Variants in MMRN1 observed in about 807,000 individuals in gnomAD.
MMRN1 encodes the protein multimerin-1.
MMRN1 carries 94 observed loss-of-function variants against 100.7 expected under a neutral mutation model. The ratio of observed to expected loss-of-function variants is 0.93; its 90% CI spans 0.79 to 1.11. The LOEUF (loss-of-function observed/expected upper bound fraction) is 1.11. Ranked by LOEUF, MMRN1 falls within the 50% of genes least tolerant of loss-of-function variation. The pLI, the probability that MMRN1 is intolerant of heterozygous loss-of-function variation, is 0.00. For missense variants in MMRN1, 1,606 were observed against 1,439.1 expected, an observed-to-expected ratio of 1.12 and a Z score of -1.88; for synonymous variants, 575 against 505.0, an observed-to-expected ratio of 1.14 and a Z score of -1.86.
chr4:89,953,066 C>T lies in MMRN1; in HGVS notation c.3335C>T (p.Thr1112Ile), dbSNP rs543680131. ...AFFASHTYGM[T>I]IPGPILFNNL... ...TTTGCATCTCATACGTATGGAATGA[C>T]TATACCTGGTCCTATCCTGTTTAAT... Residue 1112 changes from threonine (T) to isoleucine (I), a missense_variant, in exon 8 of 8, where the codon ACT becomes ATT. Transcript: ENST00000264790. The T allele has an allele frequency of 3.7e-6, 6 of 1,613,788 alleles. No individual in the cohort carries two copies. The East Asian group carries it at 1.1e-4, about 30-fold the overall frequency.
rs924873643 is a variant in MMRN1, at chr4:89,895,226, C to T, written c.255C>T (p.Pro85=). The change falls in exon 1 of 8, where the codon CCC becomes CCT. Residue 85 remains proline (P), a synonymous_variant. Transcript: ENST00000264790. ...EDSLLKSTLP[P]SETSAPAEGV... is the part of the protein sequence containing the mutation. ...GTCTTCTTAAATCAACACTGCCTCC[C>T]TCAGAAACAAGTGCACCTGCTGAGG... The T allele has an allele frequency of 6.2e-7, 1 of 1,613,724 alleles. No homozygotes were observed.
chr4:89,900,106 T>A (rs969452807), intron 1 of MMRN1, among the ~76,000 whole-genome samples: 1 of 152,040 alleles, frequency 6.6e-6, no homozygotes, highest in Admixed American at 6.6e-5. Context: ...TTTTGCAAAC[T>A]TAAGAAGGAA....
intron 6 of MMRN1, among the ~76,000 whole-genome samples, chr4:89,944,998 C>A (rs1192390477): frequency 1.3e-5 from 2 of 152,146 alleles, no homozygotes; most frequent in Non-Finnish European, 2.9e-5. Context: ...TTTCCTCATG[C>A]ACCTTTGTAG....
At chr4:89,907,272 TC>T (rs1456816680) in intron 1 of MMRN1, among the ~76,000 whole-genome samples, 1 of 151,576 alleles carries the variant, frequency 6.6e-6, no homozygotes, top group African/African-American at 2.4e-5. Flanking sequence ...TGCCAGCATG[TC>T]TTCTTACTTC....
rs547820423 is a variant in MMRN1, at chr4:89,909,423, CT to C, written c.743+29del. On this transcript the variant is annotated intron_variant, in intron 2 of 7. Coordinates refer to ENST00000264790, the MANE Select transcript of MMRN1 (RefSeq NM_007351.3). ...ATGTAATATTTCTTGAAAATAGCCA[CT>C]GTTTTTGCACCATAATAAATTATAG... is the stretch of plus-strand genomic sequence containing the variant. 1,015 of 1,606,292 alleles carry C rather than the reference CT, an allele frequency of 6.3e-4. 12 individuals are homozygous for C. The South Asian group carries it at 0.011, about 17-fold the overall frequency.
At position 89,924,593 on chromosome 4, in the gene MMRN1, C is replaced by T. The variant is rs1264369622; in HGVS notation, c.955+1321C>T. On this transcript the variant is annotated intron_variant, in intron 4 of 7. Transcript: ENST00000264790. ...GGCACAGTGGCTTATGCCTATAATC[C>T]CAGCAATTTGGGAGGCCGAGGCGGG... is the stretch of plus-strand genomic sequence containing the variant. Among the ~76,000 whole-genome samples the T allele has an allele frequency of 4.0e-5, 6 of 151,236 alleles. No individual in the cohort carries two copies. The South Asian group carries it at 8.4e-4, about 21-fold the overall frequency.
intron 2 of MMRN1, among the ~76,000 whole-genome samples, chr4:89,910,487 T>A (rs1297594860): frequency 1.3e-5 from 2 of 151,466 alleles, no homozygotes; most frequent in Non-Finnish European, 3.0e-5. Context: ...TCATTCGCTA[T>A]TTTTAATACT....
chr4:89,928,494 C>A (rs984526998), intron 5 of MMRN1, among the ~76,000 whole-genome samples: 1 of 152,030 alleles, frequency 6.6e-6, no homozygotes, highest in Non-Finnish European at 1.5e-5. Context: ...ATAGGCTTTG[C>A]CTGAATTTTG....
intron 6 of MMRN1, among the ~76,000 whole-genome samples, chr4:89,938,552 T>C (rs1000467999): frequency 6.8e-6 from 1 of 146,424 alleles, no homozygotes; most frequent in African/African-American, 2.5e-5. Context: ...AAGTATAAAA[T>C]TGAAATAGCC....
chr4:89,938,003 G>A (rs1166982509), intron 6 of MMRN1, among the ~76,000 whole-genome samples: 1 of 151,910 alleles, frequency 6.6e-6, no homozygotes, highest in Admixed American at 6.6e-5. Flanking sequence ...AAAAAGTAAT[G>A]GCTGTGTTTT....
At chr4:89,904,409 G>C (rs1721491885) in intron 1 of MMRN1, among the ~76,000 whole-genome samples, 1 of 151,674 alleles carries the variant, frequency 6.6e-6, no homozygotes, top group South Asian at 2.1e-4. Context: ...TTCCCAAACT[G>C]AAGCTCTGTA....
chr4:89,953,476 T>C lies in MMRN1; in HGVS notation c.*58T>C. ...GAGAAACAGCCAGTGTTTTCATTTATCTTTGCTTGCACATCTGCTCTGTTT... is the reference window on the plus strand; with the variant it reads ...GAGAAACAGCCAGTGTTTTCATTTACCTTTGCTTGCACATCTGCTCTGTTT... On this transcript the variant is annotated 3_prime_UTR_variant, in exon 8 of 8. Coordinates refer to ENST00000264790, the MANE Select transcript of MMRN1 (RefSeq NM_007351.3). The C allele has an allele frequency of 2.0e-6, 3 of 1,479,904 alleles. No homozygotes were observed. Among genetic ancestry groups the C allele is most frequent in the East Asian group, 2.3e-5 (1 of 43,662 alleles). 91.7% of individuals were successfully genotyped at this position (1,479,904 alleles called of 1,614,324 possible). A position where few individuals can be genotyped will look rare whatever the true frequency, so the allele number is the denominator to read the frequency against.
Position 89,935,576 on chromosome 4 carries a change from G to T in MMRN1, c.1896G>T (p.Met632Ile). The change falls in exon 6 of 8, where the codon ATG becomes ATT. Residue 632 changes from methionine to isoleucine, a missense_variant. Transcript: ENST00000264790. ...TTCTCTTTCCAATGGACAATAAGAT[G>T]GACAAAATGAGTGAGCAACTAAATG... is the stretch of plus-strand genomic sequence containing the variant. ...AEVLFPMDNK[M>I]DKMSEQLNDL... 1 of 1,613,454 alleles carries T rather than the reference G, an allele frequency of 6.2e-7. No individual in the cohort carries two copies. Among genetic ancestry groups the T allele is most frequent in the Non-Finnish European group, 8.5e-7 (1 of 1,179,730 alleles).
chr4:89,904,300 A>G (rs1721488271), intron 1 of MMRN1, among the ~76,000 whole-genome samples: 1 of 151,804 alleles, frequency 6.6e-6, no homozygotes, highest in Admixed American at 6.6e-5. Flanking sequence ...TAAAAAATTT[A>G]CCATTCTATC....
intron 3 of MMRN1, among the ~76,000 whole-genome samples, chr4:89,921,581 T>A (rs1352991457): frequency 6.6e-6 from 1 of 152,284 alleles, no homozygotes; most frequent in East Asian, 1.9e-4. Context: ...GATTTACACT[T>A]TTCCCCACGC....
In MMRN1 at chr4:89,936,565, G is replaced by A; in HGVS notation, c.2885G>A (p.Gly962Asp). 1 of 1,612,420 alleles carries A rather than the reference G, an allele frequency of 6.2e-7. No homozygotes were observed. Reference sequence around the variant, plus strand: ...CCAGATATTCAACTTCTTCAGAAAGGTCTAACAGAATTTGTGGAACCAATA... The same window carrying A: ...CCAGATATTCAACTTCTTCAGAAAGATCTAACAGAATTTGTGGAACCAATA... ...SLPDIQLLQK[G>D]LTEFVEPIIQ... Residue 962 changes from glycine (G) to aspartate (D), a missense_variant, in exon 6 of 8, where the codon GGT becomes GAT. Transcript: ENST00000264790.
chr4:89,914,253 C>G (rs1202041506), intron 3 of MMRN1, among the ~76,000 whole-genome samples: 1 of 151,452 alleles, frequency 6.6e-6, no homozygotes, highest in Non-Finnish European at 1.5e-5. Flanking sequence ...TTCTCCCCCA[C>G]TTTTGTACCC....
chr4:89,893,080 T>G (rs1721090957), upstream of MMRN1, among the ~76,000 whole-genome samples: 1 of 152,038 alleles, frequency 6.6e-6, no homozygotes, highest in African/African-American at 2.4e-5. Flanking sequence ...CTGTAAAGCC[T>G]TTTTCTTTCT....
At position 89,910,480 on chromosome 4, in the gene MMRN1, T is replaced by C. The variant is rs535860595; in HGVS notation, c.743+1085T>C. On this transcript the variant is annotated intron_variant, in intron 2 of 7. Transcript: ENST00000264790. ...TATGCCTTCTGAGTGGGTGCATTCA[T>C]TCGCTATTTTTAATACTCGTGTCAT... 2.5e-4 allele frequency among the ~76,000 whole-genome samples: 38 copies of C among 151,550 alleles called. No homozygotes were observed. The South Asian group carries it at 7.9e-3, about 31-fold the overall frequency.
Sources: allele counts gnomAD v4.1 joint callset (sites outside exome capture counted in the v4.1 genomes callset), GRCh38; gene constraint gnomAD v4.1.1; transcripts MANE v1.5; gene names NCBI Gene and HGNC (gene_info 2026-07-23, HGNC 2026-07-21).